CD81: variants seen among roughly 807,000 people sequenced by gnomAD.
CD81 encodes the protein CD81 antigen.
A neutral mutation model predicts 30.1 loss-of-function variants in CD81; 10 were observed. The observed-to-expected ratio is 0.33, with a 90% CI of 0.21 to 0.56. The LOEUF is 0.56. Among genes scored for constraint, CD81 ranks in the 20% least tolerant of loss-of-function variants. The probability of loss-of-function intolerance (pLI) is 0.89; values close to 1 mark genes in which losing one functional copy is unlikely to be tolerated. For synonymous variants in CD81, 147 were observed against 126.4 expected (o/e 1.16, Z -1.10); for missense variants, 263 against 308.7 (o/e 0.85, Z 1.11).
Position 2,397,017 on chromosome 11 carries a change from T to A in CD81, c.*151T>A. On this transcript the variant is annotated 3_prime_UTR_variant, in exon 8 of 8. Coordinates refer to ENST00000263645, the MANE Select transcript of CD81 (RefSeq NM_004356.4). Reference sequence around the variant, plus strand: ...TACTTTTGGGGTTTTGTTTTTGTTCTGAACTTTCCTGTTACCTTTTCAGGG... The same window carrying A: ...TACTTTTGGGGTTTTGTTTTTGTTCAGAACTTTCCTGTTACCTTTTCAGGG... 2 of 755,200 alleles carry A rather than the reference T, an allele frequency of 2.6e-6. No individual in the cohort carries two copies. Among genetic ancestry groups the A allele is most frequent in the Non-Finnish European group, 4.5e-6 (2 of 445,186 alleles). The allele number at this position is 755,200 out of a possible 1,614,324, so 46.8% of individuals were successfully genotyped here.
chr11:2,393,764 G>A (rs1264336778), intron 2 of CD81: 6 of 607,482 alleles, frequency 9.9e-6, no homozygotes, highest in African/African-American at 1.8e-5. Context: ...AGGTGCAGGC[G>A]GTGGGTGGTG....
Position 2,397,172 on chromosome 11 carries a change from A to ACTCCTGGGAGT in CD81, c.*309_*310insCTGGGAGTCTC. 2.2e-6 allele frequency: 1 copy of ACTCCTGGGAGT among 459,068 alleles called. No individual in the cohort carries two copies. 28.4% of individuals were successfully genotyped at this position (459,068 alleles called of 1,614,324 possible). A position where few individuals can be genotyped will look rare whatever the true frequency, so the allele number is the denominator to read the frequency against. ...CTCAGCCAGGCCTCTCCTGGGAGCC[A>ACTCCTGGGAGT]CTCGCCCAGAGACTCAGCTTGGCCA... On this transcript the variant is annotated 3_prime_UTR_variant, in exon 8 of 8. Transcript: ENST00000263645.
At chr11:2,390,269 C>T (rs372125134) in intron 1 of CD81, 143 bp from the exon 2 acceptor site, 26 of 756,034 alleles carry the variant, frequency 3.4e-5, no homozygotes, top group East Asian at 3.0e-4. Context: ...CAGGGCATTG[C>T]GAAAACCAGC....
chr11:2,388,718 G>T (rs1270620491), intron 1 of CD81, among the ~76,000 whole-genome samples: 2 of 148,886 alleles, frequency 1.3e-5, no homozygotes, highest in Non-Finnish European at 1.5e-5. Flanking sequence ...CGCCAGGGGG[G>T]TTGTGCCCTC....
At chr11:2,390,360 TC>T in intron 1 of CD81, 51 bp from the exon 2 acceptor site, 1 of 1,429,962 alleles carries the variant, frequency 7.0e-7, no homozygotes, top group Non-Finnish European at 9.9e-7. Context: ...GTGGGCGCAC[TC>T]CCTGCTGCAG....
chr11:2,383,241 C>T (rs950469874), intron 1 of CD81, among the ~76,000 whole-genome samples: 1 of 152,168 alleles, frequency 6.6e-6, no homozygotes, highest in Non-Finnish European at 1.5e-5. Flanking sequence ...GCCTTTTCGC[C>T]CCTGGAGGCC....
chr11:2,377,572 A>G lies in CD81; in HGVS notation c.23A>G (p.Lys8Arg), dbSNP rs761080989. The change falls in exon 1 of 8, where the codon AAG (lysine) becomes AGG (arginine). Residue 8 changes from lysine to arginine, a missense_variant. By Grantham distance (26) the Lys-to-Arg change is conservative (BLOSUM62 2). This residue lies in a region of CD81 where 84 missense variants were observed against 98.2 expected (regional missense o/e 0.86). Transcript: ENST00000263645. This position sits in a 1 kb window ranked among gnomAD's most constrained non-coding sequence, Gnocchi z 7.7. ...GCCATGGGAGTGGAGGGCTGCACCA[A>G]GTGCATCAAGTACCTGCTCTTCGTC... MGVEGCT[K>R]CIKYLLFVFN... is the part of the protein sequence containing the mutation. The G allele has an allele frequency of 5.3e-6, 8 of 1,519,556 alleles. No individual in the cohort carries two copies. In the African/African-American group the frequency reaches 7.2e-5, roughly 14 times the overall value. 94.1% of individuals were successfully genotyped at this position (1,519,556 alleles called of 1,614,324 possible).
chr11:2,393,491 C>T (rs1190453259), intron 2 of CD81: 1 of 216,116 alleles, frequency 4.6e-6, no homozygotes, highest in East Asian at 1.2e-4. Flanking sequence ...ATCCTCCCCA[C>T]ACAGCAGCCA....
intron 1 of CD81, chr11:2,379,172 C>T (rs1395947993): frequency 1.1e-5 from 5 of 454,530 alleles, no homozygotes; most frequent in African/African-American, 6.0e-5. Flanking sequence ...CAGGATGTCC[C>T]TCTGCCAGCC....
intron 1 of CD81, 65 bp from the exon 2 acceptor site, chr11:2,390,347 G>T: frequency 7.9e-7 from 1 of 1,262,438 alleles, no homozygotes; most frequent in East Asian, 2.3e-5. Context: ...CCTTGCGTGT[G>T]GGGTGGGCGC....
Position 2,377,534 on chromosome 11 carries a change from C to G in CD81, c.-16C>G. 4 of 1,364,616 alleles carry G rather than the reference C, an allele frequency of 2.9e-6. No homozygotes were observed. Among genetic ancestry groups the G allele is most frequent in the South Asian group, 1.3e-5 (1 of 76,870 alleles). 84.5% of individuals were successfully genotyped at this position (1,364,616 alleles called of 1,614,324 possible). On this transcript the variant is annotated 5_prime_UTR_variant, in exon 1 of 8. Transcript: ENST00000263645. This position sits in a 1 kb window ranked among gnomAD's most constrained non-coding sequence, Gnocchi z 7.7. ...ACCGGCCCGCGCCCCGCAGGCCGCC[C>G]GCCGCCCGCGCCGCCATGGGAGTGG...
rs1455716905 is a variant in CD81, at chr11:2,378,269, C to G, written c.66+654C>G. On this transcript the variant is annotated intron_variant, in intron 1 of 7. Transcript: ENST00000263645. The surrounding 1 kb of genome is among the most constrained non-coding windows in gnomAD (Gnocchi z 4.9). ...TGGGGTGCGCGCACCCTGGCCGTCCCTGCCTGGGAGCCGATCTCCCTCTCC... is the reference window on the plus strand; with the variant it reads ...TGGGGTGCGCGCACCCTGGCCGTCCGTGCCTGGGAGCCGATCTCCCTCTCC... 6.6e-6 allele frequency among the ~76,000 whole-genome samples: 1 copy of G among 152,154 alleles called. No individual in the cohort carries two copies. The highest frequency in any genetic ancestry group is 2.4e-5 in the African/African-American group (1 of 41,460).
At chr11:2,391,012 A>C (rs1173496385) in intron 2 of CD81, 2 of 245,084 alleles carry the variant, frequency 8.2e-6, no homozygotes, top group South Asian at 5.1e-5. Context: ...AGGCAGCTGC[A>C]CCTTGCTGCC....
intron 6 of CD81, chr11:2,396,210 A>G (rs1849999733): frequency 1.7e-6 from 1 of 588,270 alleles, no homozygotes; most frequent in African/African-American, 1.9e-5. Context: ...GGGGGTGGGA[A>G]CTCACCTGCA....
At chr11:2,389,649 C>T (rs1485424130) in intron 1 of CD81, among the ~76,000 whole-genome samples, 4 of 152,128 alleles carry the variant, frequency 2.6e-5, no homozygotes, top group Admixed American at 6.5e-5. Flanking sequence ...AGCTGCTGAG[C>T]GACAGCGCTG....
rs561248262 is a variant in CD81, at chr11:2,394,331, G to T, written c.279+139G>T. On this transcript the variant is annotated intron_variant, in intron 3 of 7. Transcript: ENST00000263645. ...GTGGCTCCTGTGCCCTGCTTTTCCC[G>T]TTTGGTTTTTAAATTAAATCCCACC... The T allele has an allele frequency of 2.1e-3, 1,304 of 623,964 alleles. 7 individuals are homozygous for T. The highest frequency in any genetic ancestry group is 3.5e-3 in the South Asian group (183 of 52,724). 38.7% of individuals were successfully genotyped at this position (623,964 alleles called of 1,614,324 possible).
chr11:2,390,962 T>A (rs1248659913), intron 2 of CD81: 3 of 281,646 alleles, frequency 1.1e-5, no homozygotes, highest in African/African-American at 6.7e-5. Context: ...TGGAGAGGGG[T>A]GGAGACGCCC....
intron 1 of CD81, among the ~76,000 whole-genome samples, chr11:2,387,946 G>A (rs990412251): frequency 1.3e-5 from 2 of 152,208 alleles, no homozygotes; most frequent in African/African-American, 2.4e-5. Flanking sequence ...TTGTTGTTTC[G>A]GGTGTGTGGA....
In CD81 at chr11:2,377,460, C is replaced by T. The variant is rs1849616982; in HGVS notation, c.-90C>T. 2 of 409,872 alleles carry T rather than the reference C, an allele frequency of 4.9e-6. No individual in the cohort carries two copies. The highest frequency in any genetic ancestry group is 1.3e-4 in the Admixed American group (2 of 15,024). The allele number at this position is 409,872 out of a possible 1,614,324, so 25.4% of individuals were successfully genotyped here. On this transcript the variant is annotated 5_prime_UTR_variant, in exon 1 of 8. Coordinates refer to ENST00000263645, the MANE Select transcript of CD81 (RefSeq NM_004356.4). This position sits in a 1 kb window ranked among gnomAD's most constrained non-coding sequence, Gnocchi z 7.7. ...CCCCGCCCCTCGGCCCGCCAGGCCCCCTTGCCGGCCACCCGCCAGGCCCCG... is the reference window on the plus strand; with the variant it reads ...CCCCGCCCCTCGGCCCGCCAGGCCCTCTTGCCGGCCACCCGCCAGGCCCCG...
Sources: allele counts gnomAD v4.1 joint callset (sites outside exome capture counted in the v4.1 genomes callset), GRCh38; gene constraint gnomAD v4.1.1; regional missense constraint gnomAD v4.1.1; non-coding constraint Gnocchi (gnomAD v3.1); transcripts MANE v1.5; gene names NCBI Gene and HGNC (gene_info 2026-07-23, HGNC 2026-07-21).